CARS1: variants seen among roughly 807,000 people sequenced by gnomAD.
CARS1 encodes the protein cysteine--tRNA ligase, cytoplasmic.
In CARS1, 48 loss-of-function variants were observed where a neutral mutation model predicts 106.2. The observed-to-expected ratio is 0.45, with a 90% CI of 0.36 to 0.57. CARS1 has a LOEUF of 0.57. Among genes scored for constraint, CARS1 ranks in the 20% least tolerant of loss-of-function variants. The pLI, the probability that CARS1 is intolerant of heterozygous loss-of-function variation, is 0.00. For synonymous variants in CARS1, 409 were observed against 403.4 expected (o/e 1.01, Z -0.17); for missense variants, 968 against 1,057.2 (o/e 0.92, Z 1.17).
rs979811974 is a variant in CARS1 at position 3,046,021 on chromosome 11, C to A, written c.274+1732G>T. 3.9e-5 allele frequency among the ~76,000 whole-genome samples: 6 copies of A among 152,176 alleles called. No homozygotes were observed. The highest frequency in any genetic ancestry group is 7.4e-5 in the Non-Finnish European group (5 of 68,026). ...GAGTGAGGGTCGCCTGACATAATGC[C>A]CATCATTCCTGGCACAAGCAGACCC... On this transcript the variant is annotated intron_variant, in intron 2 of 22. Transcript: ENST00000380525. This position sits in a 1 kb window ranked among gnomAD's most constrained non-coding sequence, Gnocchi z 5.8.
In CARS1 at chr11:3,012,354, G is replaced by A. The variant is rs148555664; in HGVS notation, c.1987-78C>T. 864 of 1,250,892 alleles carry A rather than the reference G, an allele frequency of 6.9e-4. 1 individual carries two copies. Among genetic ancestry groups the A allele is most frequent in the South Asian group, 1.2e-3 (96 of 82,752 alleles). The allele number at this position is 1,250,892 out of a possible 1,614,324, so 77.5% of individuals were successfully genotyped here. On this transcript the variant is annotated intron_variant, in intron 17 of 22. Coordinates refer to ENST00000380525, the MANE Select transcript of CARS1 (RefSeq NM_001014437.3). ...ATAACAGAATAATAGCTCAGTGGCC[G>A]CGACACAGGGCAGGGACTGGCATGG...
chr11:3,009,558 T>C (rs940610143), intron 18 of CARS1: 2 of 152,236 alleles, frequency 1.3e-5, no homozygotes, highest in Non-Finnish European at 2.9e-5. Flanking sequence ...GAGCTGTGTA[T>C]TTTAACATAA....
intron 19 of CARS1, 62 bp from the exon 20 acceptor site, chr11:3,005,495 C>T: frequency 3.8e-6 from 5 of 1,311,784 alleles, no homozygotes; most frequent in South Asian, 2.4e-5. Context: ...ACTGCGGGGC[C>T]AGCCCTGCCC....
intron 18 of CARS1, 40 bp downstream of exon 18, chr11:3,012,155 G>A (rs1180344036): frequency 1.3e-6 from 2 of 1,556,262 alleles, no homozygotes; most frequent in South Asian, 1.1e-5. Flanking sequence ...GCCCAGTGAG[G>A]GGAGTGGCTC....
chr11:3,034,697 T>C lies in CARS1; in HGVS notation c.801+3353A>G, dbSNP rs1853365688. Among the ~76,000 whole-genome samples, 1 of 147,776 alleles carries C rather than the reference T, an allele frequency of 6.8e-6. No homozygotes were observed. The highest frequency in any genetic ancestry group is 6.7e-5 in the Admixed American group (1 of 14,938). On this transcript the variant is annotated intron_variant, in intron 7 of 22. Coordinates refer to ENST00000380525, the MANE Select transcript of CARS1 (RefSeq NM_001014437.3). This position sits in a 1 kb window ranked among gnomAD's most constrained non-coding sequence, Gnocchi z 6.3. ...GGCACACGCCACAACACCCAGCTAA[T>C]TTTTTTTTTTTTATTTTTAGTAGAG...
rs147984444 is a variant in CARS1 at position 3,046,056 on chromosome 11, C to G, written c.274+1697G>C. 6.3e-4 allele frequency among the ~76,000 whole-genome samples: 96 copies of G among 152,330 alleles called. No homozygotes were observed. Among genetic ancestry groups the G allele is most frequent in the Non-Finnish European group, 1.2e-3 (81 of 68,036 alleles). On this transcript the variant is annotated intron_variant, in intron 2 of 22. Transcript: ENST00000380525. The surrounding 1 kb of genome is among the most constrained non-coding windows in gnomAD (Gnocchi z 5.8). ...TGGCACAAGCAGACCCTGGCAGCCTCTTGCGCAGCCTGGGTGATGAGGGGA... is the reference window on the plus strand; with the variant it reads ...TGGCACAAGCAGACCCTGGCAGCCTGTTGCGCAGCCTGGGTGATGAGGGGA...
At chr11:3,002,696 G>A (rs1849505375) in intron 20 of CARS1, 96 bp from the exon 21 acceptor site, 1 of 1,573,452 alleles carries the variant, frequency 6.4e-7, no homozygotes, top group Non-Finnish European at 8.6e-7. Context: ...CCTCTCCTAG[G>A]GCCTGGCATG....
rs1019911159 is a variant in CARS1, at chr11:3,021,861, A to G, written c.1154-1529T>C. On this transcript the variant is annotated intron_variant, in intron 10 of 22. Transcript: ENST00000380525. This position sits in a 1 kb window ranked among gnomAD's most constrained non-coding sequence, Gnocchi z 5.3. ...AGCACAATGTGATATGGCCCATGAC[A>G]TTCGCTTTTAGATGCTCTTTGATAG... is the stretch of plus-strand genomic sequence containing the variant. Among the ~76,000 whole-genome samples, 3 of 152,246 alleles carry G rather than the reference A, an allele frequency of 2.0e-5. No individual in the cohort carries two copies. Among genetic ancestry groups the G allele is most frequent in the Non-Finnish European group, 2.9e-5 (2 of 68,046 alleles).
rs868084199 is a variant in CARS1 at position 3,053,400 on chromosome 11, T to A, written c.25+3943A>T. Among the ~76,000 whole-genome samples, 3 of 151,894 alleles carry A rather than the reference T, an allele frequency of 2.0e-5. No individual in the cohort carries two copies. The highest frequency in any genetic ancestry group is 6.6e-5 in the Admixed American group (1 of 15,252). ...TGCCCGCCACCATGCCCAGCTAATT[T>A]TTGTATTTTTAGTAGAGACGGGGTT... On this transcript the variant is annotated intron_variant, in intron 1 of 22. Coordinates refer to ENST00000380525, the MANE Select transcript of CARS1 (RefSeq NM_001014437.3). This position sits in a 1 kb window ranked among gnomAD's most constrained non-coding sequence, Gnocchi z 6.6.
rs1292295803 is a variant in CARS1, at chr11:3,021,349, C to T, written c.1154-1017G>A. ...TCTTGCCCGGCTGCTGCAGCCTTTC[C>T]TGGTCCCTGGTCTAAGGGCTGCCTT... On this transcript the variant is annotated intron_variant, in intron 10 of 22. Coordinates refer to ENST00000380525, the MANE Select transcript of CARS1 (RefSeq NM_001014437.3). This position sits in a 1 kb window ranked among gnomAD's most constrained non-coding sequence, Gnocchi z 5.3. Among the ~76,000 whole-genome samples the T allele has an allele frequency of 6.6e-6, 1 of 152,218 alleles. No individual in the cohort carries two copies. The highest frequency in any genetic ancestry group is 1.5e-5 in the Non-Finnish European group (1 of 68,038).
chr11:3,004,931 C>T lies in CARS1; in HGVS notation c.2217+435G>A, dbSNP rs185274072. On this transcript the variant is annotated intron_variant, in intron 20 of 22. Transcript: ENST00000380525. The surrounding 1 kb of genome is among the most constrained non-coding windows in gnomAD (Gnocchi z 5.2). ...GACCAGCCTGACCAACATGGTGAAA[C>T]CCCATCTCTACTAAAAAAATACAAA... 2.6e-5 allele frequency among the ~76,000 whole-genome samples: 4 copies of T among 151,940 alleles called. No individual in the cohort carries two copies. Among genetic ancestry groups the T allele is most frequent in the African/African-American group, 9.7e-5 (4 of 41,320 alleles).
In CARS1 at chr11:3,037,439, G is replaced by A. The variant is rs183907703; in HGVS notation, c.801+611C>T. Among the ~76,000 whole-genome samples the A allele has an allele frequency of 2.5e-4, 38 of 152,278 alleles. 1 individual carries two copies. The East Asian group carries it at 4.2e-3, about 17-fold the overall frequency. On this transcript the variant is annotated intron_variant, in intron 7 of 22. Coordinates refer to ENST00000380525, the MANE Select transcript of CARS1 (RefSeq NM_001014437.3). This position sits in a 1 kb window ranked among gnomAD's most constrained non-coding sequence, Gnocchi z 5.9. ...GCAGCCGTCTCTTCTCTTTTCCATC[G>A]AGTTCTTAAAGGGTGACCAGCAGGC...
At position 3,017,823 on chromosome 11, in the gene CARS1, G is replaced by A. The variant is rs1851197112; in HGVS notation, c.1727+34C>T. ...GAGGCTAGGCATAGAACATGGGCAT[G>A]CTCAAAAACCCCAAAGAAATGGCAC... On this transcript the variant is annotated intron_variant, in intron 15 of 22. Coordinates refer to ENST00000380525, the MANE Select transcript of CARS1 (RefSeq NM_001014437.3). The surrounding 1 kb of genome is among the most constrained non-coding windows in gnomAD (Gnocchi z 4.9). 1 of 1,450,070 alleles carries A rather than the reference G, an allele frequency of 6.9e-7. No homozygotes were observed. The highest frequency in any genetic ancestry group is 1.1e-5 in the South Asian group (1 of 87,350). The allele number at this position is 1,450,070 out of a possible 1,614,324, so 89.8% of individuals were successfully genotyped here. A position where few individuals can be genotyped will look rare whatever the true frequency, so the allele number is the denominator to read the frequency against.
chr11:3,019,150 C>T lies in CARS1; in HGVS notation c.1384G>A (p.Ala462Thr). ...LRFPHHDNEL[A>T]QSEAYFENDC... ...CTGTTTTCACCTACCTCCGACTGTGCCAGCTCATTGTCATGGTGGGGGAAC... is the reference window on the plus strand; with the variant it reads ...CTGTTTTCACCTACCTCCGACTGTGTCAGCTCATTGTCATGGTGGGGGAAC... Residue 462 changes from alanine to threonine, a missense_variant, in exon 12 of 23, where the codon GCA becomes ACA. Transcript: ENST00000380525. This position sits in a 1 kb window ranked among gnomAD's most constrained non-coding sequence, Gnocchi z 6.2. 3 of 1,523,040 alleles carry T rather than the reference C, an allele frequency of 2.0e-6. No homozygotes were observed. Among genetic ancestry groups the T allele is most frequent in the Non-Finnish European group, 1.8e-6 (2 of 1,139,022 alleles). The allele number at this position is 1,523,040 out of a possible 1,614,324, so 94.3% of individuals were successfully genotyped here.
rs538935612 is a variant in CARS1 at position 3,002,660 on chromosome 11, G to A, written c.2218-60C>T. ...CTGCCTCAGGCTGCTGGGTCTCTCG[G>A]AGTGAGAGGTCTAGCCAAACAAGCC... On this transcript the variant is annotated intron_variant, in intron 20 of 22. Coordinates refer to ENST00000380525, the MANE Select transcript of CARS1 (RefSeq NM_001014437.3). 1.1e-5 allele frequency: 17 copies of A among 1,608,142 alleles called. No homozygotes were observed. The East Asian group carries it at 3.8e-4, about 36-fold the overall frequency.
intron 19 of CARS1, 115 bp from the exon 20 acceptor site, chr11:3,005,548 C>G (rs1287554829): frequency 1.2e-5 from 8 of 690,894 alleles, no homozygotes; most frequent in Non-Finnish European, 2.0e-5. Flanking sequence ...CCAGTCAGAG[C>G]GAGGGCCCAC....
chr11:3,051,784 C>G (rs773134996), intron 1 of CARS1, among the ~76,000 whole-genome samples: 2 of 152,208 alleles, frequency 1.3e-5, no homozygotes, highest in Non-Finnish European at 2.9e-5. Flanking sequence ...CTCCACATTC[C>G]TCTCCCCTGT....
At chr11:3,027,008 G>C (rs1396983836) in intron 9 of CARS1, 1 of 532,826 alleles carries the variant, frequency 1.9e-6, no homozygotes, top group Non-Finnish European at 3.2e-6. Flanking sequence ...GCCTGCCCTG[G>C]GCAGCTCGTC....
intron 17 of CARS1, among the ~76,000 whole-genome samples, chr11:3,014,355 G>C (rs976038790): frequency 1.3e-5 from 2 of 152,188 alleles, no homozygotes; most frequent in African/African-American, 4.8e-5. Flanking sequence ...ATCCATGAAC[G>C]TCAAATGGCC....
Sources: gnomAD v4.1 joint callset for allele counts (sites outside exome capture counted in the v4.1 genomes callset) on GRCh38, gnomAD v4.1.1 for gene constraint, Gnocchi (gnomAD v3.1) non-coding constraint, MANE v1.5 for transcripts, NCBI Gene and HGNC (gene_info 2026-07-23, HGNC 2026-07-21) for gene names.